The following PDZD2 variants were observed in gnomAD, a reference collection of about 807,000 sequenced individuals.
The protein encoded by PDZD2 is PDZ domain containing 2, also known as PDZ domain-containing protein 2.
PDZD2 carries 90 observed loss-of-function variants against 220.7 expected under a neutral mutation model. The observed-to-expected ratio is 0.41, with a 90% CI of 0.34 to 0.49. The LOEUF (loss-of-function observed/expected upper bound fraction) is 0.49, where lower values mean the gene tolerates loss of function less well. PDZD2 is among the 20% of genes least tolerant of loss of function. The probability of loss-of-function intolerance (pLI) is 0.28; values close to 1 mark genes in which losing one functional copy is unlikely to be tolerated. For synonymous variants in PDZD2, 1,375 were observed against 1,450.5 expected, an observed-to-expected ratio of 0.95 and a Z score of 1.18; for missense variants, 3,174 against 3,608.5, an observed-to-expected ratio of 0.88 and a Z score of 3.08.
intron 19 of PDZD2, among the ~76,000 whole-genome samples, chr5:32,084,278 G>C (rs1176364393): frequency 6.6e-6 from 1 of 152,224 alleles, no homozygotes; most frequent in Non-Finnish European, 1.5e-5. Context: ...ACATAGTCAG[G>C]GTTTAGGCAG....
At chr5:32,062,315 A>G (rs1233331165) in intron 14 of PDZD2, among the ~76,000 whole-genome samples, 1 of 152,210 alleles carries the variant, frequency 6.6e-6, no homozygotes, top group Non-Finnish European at 1.5e-5. Context: ...ATAAACTATA[A>G]TGGAAAAGTT....
intron 5 of PDZD2, among the ~76,000 whole-genome samples, chr5:32,004,105 G>GT (rs1346229266): frequency 7.2e-6 from 1 of 138,976 alleles, no homozygotes; most frequent in Non-Finnish European, 1.6e-5. Context: ...AAAAAAAAAG[G>GT]TGGGGGGGCC....
chr5:31,933,604 G>T (rs922821599), intron 2 of PDZD2, among the ~76,000 whole-genome samples: 3 of 152,074 alleles, frequency 2.0e-5, no homozygotes, highest in African/African-American at 7.2e-5. Context: ...CTGAGCCCCT[G>T]CCTACAAAGA....
intron 2 of PDZD2, among the ~76,000 whole-genome samples, chr5:31,968,163 G>C (rs980995650): frequency 2.0e-5 from 3 of 152,298 alleles, no homozygotes; most frequent in African/African-American, 7.2e-5. Context: ...TTCGTGACCA[G>C]CCTGGCCAAC....
At chr5:31,992,400 G>T (rs1195507770) in intron 3 of PDZD2, among the ~76,000 whole-genome samples, 1 of 151,224 alleles carries the variant, frequency 6.6e-6, no homozygotes, top group Non-Finnish European at 1.5e-5. Flanking sequence ...GGAAATGTGG[G>T]TGCTCTTGAT....
At chr5:31,900,473 G>A (rs1741979997) in intron 2 of PDZD2, among the ~76,000 whole-genome samples, 1 of 151,280 alleles carries the variant, frequency 6.6e-6, no homozygotes, top group Non-Finnish European at 1.5e-5. Flanking sequence ...ACAAGGATCA[G>A]CTCCAGGCTG....
At chr5:31,811,931 A>G (rs1580805040) in intron 2 of PDZD2, among the ~76,000 whole-genome samples, 1 of 152,108 alleles carries the variant, frequency 6.6e-6, no homozygotes, top group East Asian at 1.9e-4. Flanking sequence ...TGGAAGTTGC[A>G]GTGAGCTGAG....
intron 1 of PDZD2, among the ~76,000 whole-genome samples, chr5:31,774,366 T>C (rs1297744672): frequency 6.6e-6 from 1 of 152,008 alleles, no homozygotes; most frequent in Non-Finnish European, 1.5e-5. Flanking sequence ...AAGTTGATCA[T>C]TGTGCAGAGA....
In PDZD2 at chr5:32,110,540, G is replaced by A. The variant is rs931170481; in HGVS notation, c.*2405G>A. On this transcript the variant is annotated 3_prime_UTR_variant, in exon 25 of 25. Coordinates refer to ENST00000438447, the MANE Select transcript of PDZD2 (RefSeq NM_178140.4). ...TTCTGAAGTGAACACTAATGGTATT[G>A]TCCTACTAAAACTGTCATTGTTTCT... The A allele has an allele frequency of 2.0e-5, 3 of 152,528 alleles. No individual in the cohort carries two copies. The highest frequency in any genetic ancestry group is 6.6e-5 in the Admixed American group (1 of 15,262). 9.4% of individuals were successfully genotyped at this position (152,528 alleles called of 1,614,324 possible). A position where few individuals can be genotyped will look rare whatever the true frequency, so the allele number is the denominator to read the frequency against.
chr5:31,658,769 G>A (rs567090429), intron 1 of PDZD2, among the ~76,000 whole-genome samples: 273 of 152,114 alleles, frequency 1.8e-3, no homozygotes, highest in African/African-American at 6.5e-3. Flanking sequence ...ACAGGCACAC[G>A]CCACCACGCC....
At chr5:31,978,141 A>G (rs1487342304) in intron 2 of PDZD2, among the ~76,000 whole-genome samples, 1 of 152,334 alleles carries the variant, frequency 6.6e-6, no homozygotes, top group Non-Finnish European at 1.5e-5. Flanking sequence ...GAAAATTGCA[A>G]ATTAAAAAAA....
At chr5:32,052,257 T>G (rs1361359040) in intron 8 of PDZD2, among the ~76,000 whole-genome samples, 1 of 152,198 alleles carries the variant, frequency 6.6e-6, no homozygotes, top group East Asian at 1.9e-4. Flanking sequence ...GCGATTGTCC[T>G]GCCTCAGCCT....
intron 2 of PDZD2, among the ~76,000 whole-genome samples, chr5:31,957,774 C>T (rs368852676): frequency 5.3e-5 from 8 of 152,164 alleles, no homozygotes; most frequent in Admixed American, 5.2e-4. Context: ...TCTGTGTTCT[C>T]CTCAAGATGA....
chr5:31,723,349 T>G (rs550805283), intron 1 of PDZD2, among the ~76,000 whole-genome samples: 2 of 152,022 alleles, frequency 1.3e-5, no homozygotes, highest in South Asian at 2.1e-4. Flanking sequence ...GTTTTGTTTT[T>G]TTTTTCTGGA....
intron 2 of PDZD2, among the ~76,000 whole-genome samples, chr5:31,859,504 G>A (rs1283752151): frequency 1.3e-5 from 2 of 152,130 alleles, no homozygotes; most frequent in Non-Finnish European, 2.9e-5. Context: ...AAAAATATCT[G>A]AAATTTTCTT....
At chr5:31,865,795 C>A (rs1219380763) in intron 2 of PDZD2, among the ~76,000 whole-genome samples, 1 of 151,196 alleles carries the variant, frequency 6.6e-6, no homozygotes, top group African/African-American at 2.4e-5. Context: ...CCACGCCCGG[C>A]TAATTTTTTG....
At chr5:31,795,473 T>C (rs1753970844) in intron 1 of PDZD2, among the ~76,000 whole-genome samples, 1 of 152,224 alleles carries the variant, frequency 6.6e-6, no homozygotes, top group Non-Finnish European at 1.5e-5. Flanking sequence ...TGGAGAATTA[T>C]TTATGATACA....
chr5:31,699,606 A>T (rs1747527221), intron 1 of PDZD2, among the ~76,000 whole-genome samples: 1 of 151,606 alleles, frequency 6.6e-6, no homozygotes, highest in African/African-American at 2.4e-5. Flanking sequence ...TATTTGTTTT[A>T]TTATTATTAT....
chr5:31,773,652 A>C (rs1752467879), intron 1 of PDZD2, among the ~76,000 whole-genome samples: 1 of 152,186 alleles, frequency 6.6e-6, no homozygotes, highest in Non-Finnish European at 1.5e-5. Flanking sequence ...TCTGTCTCAA[A>C]AAATATTTAT....
Sources: gnomAD v4.1 joint callset for allele counts (sites outside exome capture counted in the v4.1 genomes callset) on GRCh38, gnomAD v4.1.1 for gene constraint, MANE v1.5 for transcripts, NCBI Gene and HGNC (gene_info 2026-07-23, HGNC 2026-07-21) for gene names.